The following ZNF654 variants were observed in gnomAD, a reference collection of about 807,000 sequenced individuals.
ZNF654 encodes melanoma-associated antigen.
Under a neutral mutation model 95.3 loss-of-function variants are expected in ZNF654, and 19 were observed. The observed-to-expected ratio is 0.20, with a 90% confidence interval of 0.14 to 0.29. The LOEUF (loss-of-function observed/expected upper bound fraction) is 0.29. Among genes scored for constraint, ZNF654 ranks in the 10% least tolerant of loss-of-function variants. The pLI, the probability that ZNF654 is intolerant of heterozygous loss-of-function variation, is 1.00. For missense variants in ZNF654, 1,046 were observed against 1,341.0 expected, an observed-to-expected ratio of 0.78 and a Z score of 3.44; for synonymous variants, 413 against 457.9, an observed-to-expected ratio of 0.90 and a Z score of 1.25.
intron 1 of ZNF654, among the ~76,000 whole-genome samples, chr3:88,066,034 C>G (rs959770986): frequency 6.6e-6 from 1 of 152,104 alleles, no homozygotes; most frequent in Non-Finnish European, 1.5e-5. Context: ...GCGCCTAGCC[C>G]TAGATTGGTT....
At chr3:88,115,299 A>G (rs1172503114) in intron 3 of ZNF654, among the ~76,000 whole-genome samples, 1 of 152,190 alleles carries the variant, frequency 6.6e-6, no homozygotes, top group Non-Finnish European at 1.5e-5. Flanking sequence ...CTGTATTTCA[A>G]CTGTGAGTTT....
At chr3:88,076,428 C>CT (rs1405677477) in intron 1 of ZNF654, among the ~76,000 whole-genome samples, 1 of 151,928 alleles carries the variant, frequency 6.6e-6, no homozygotes, top group East Asian at 1.9e-4. Flanking sequence ...TCTCCTTTTT[C>CT]TTTTTTGATA....
At chr3:88,115,018 T>G (rs1184292398) in intron 3 of ZNF654, among the ~76,000 whole-genome samples, 1 of 152,202 alleles carries the variant, frequency 6.6e-6, no homozygotes, top group African/African-American at 2.4e-5. Context: ...TCCATACATC[T>G]TTCATACAGA....
At chr3:88,095,641 C>A in intron 2 of ZNF654, 1 of 504,594 alleles carries the variant, frequency 2.0e-6, no homozygotes, top group Non-Finnish European at 4.0e-6. Flanking sequence ...AAGCCCCAAG[C>A]AATATCATCA....
intron 1 of ZNF654, among the ~76,000 whole-genome samples, chr3:88,065,366 T>G (rs1361303479): frequency 6.6e-6 from 1 of 152,178 alleles, no homozygotes; most frequent in Admixed American, 6.5e-5. Flanking sequence ...TTGTTTGTAA[T>G]AGTAAATCAT....
At chr3:88,069,088 G>GA (rs1460013861) in intron 1 of ZNF654, among the ~76,000 whole-genome samples, 1 of 152,048 alleles carries the variant, frequency 6.6e-6, no homozygotes, top group South Asian at 2.1e-4. Flanking sequence ...TGAAACAGAA[G>GA]AAAAAAATCA....
chr3:88,061,477 T>C (rs1706881304), intron 1 of ZNF654, among the ~76,000 whole-genome samples: 2 of 152,212 alleles, frequency 1.3e-5, no homozygotes, highest in Admixed American at 1.3e-4. Context: ...TTACCAACTT[T>C]TACCTGAAAC....
chr3:88,116,291 C>T (rs1484964684), intron 3 of ZNF654, among the ~76,000 whole-genome samples: 3 of 152,090 alleles, frequency 2.0e-5, no homozygotes, highest in African/African-American at 7.2e-5. Context: ...GAGGCCGAGG[C>T]GGGCAGATCA....
intron 2 of ZNF654, among the ~76,000 whole-genome samples, chr3:88,090,690 A>C (rs1177172095): frequency 6.6e-6 from 1 of 152,146 alleles, no homozygotes; most frequent in African/African-American, 2.4e-5. Context: ...CACCTATAAC[A>C]ACATCATTCT....
intron 2 of ZNF654, among the ~76,000 whole-genome samples, chr3:88,104,102 A>G (rs1704597304): frequency 6.6e-6 from 1 of 152,068 alleles, no homozygotes; most frequent in South Asian, 2.1e-4. Flanking sequence ...AAAGAGAGAG[A>G]TGTATGTAAT....
chr3:88,109,142 AGTGTGTGTGTGTGTGTGT>A (rs35595112), intron 2 of ZNF654, among the ~76,000 whole-genome samples: 5 of 142,530 alleles, frequency 3.5e-5, no homozygotes, highest in African/African-American at 1.0e-4. Flanking sequence ...AGTGGGCACT[AGTGTGTGTGTGTGTGTGT>A]GTGTGTGTGT....
chr3:88,123,565 T>A (rs1705910356), intron 3 of ZNF654, among the ~76,000 whole-genome samples: 1 of 152,162 alleles, frequency 6.6e-6, no homozygotes, highest in Non-Finnish European at 1.5e-5. Flanking sequence ...AAATTCTGAT[T>A]CAGTAGGTCT....
intron 1 of ZNF654, among the ~76,000 whole-genome samples, chr3:88,085,368 C>A (rs1164254874): frequency 1.3e-5 from 2 of 152,150 alleles, no homozygotes; most frequent in Non-Finnish European, 2.9e-5. Context: ...TCCAATAAAA[C>A]CTTATTTATA....
intron 1 of ZNF654, among the ~76,000 whole-genome samples, chr3:88,060,302 C>T (rs183419711): frequency 7.9e-4 from 121 of 152,252 alleles, no homozygotes; most frequent in African/African-American, 2.9e-3. Context: ...AAATTATTTA[C>T]TCAGTCGACC....
intron 2 of ZNF654, among the ~76,000 whole-genome samples, chr3:88,096,721 T>C (rs1348259553): frequency 2.0e-5 from 3 of 152,120 alleles, no homozygotes; most frequent in African/African-American, 7.2e-5. Context: ...TTTTAATTTT[T>C]GAGTAGGTAA....
chr3:88,078,440 C>G (rs190013395), intron 1 of ZNF654, among the ~76,000 whole-genome samples: 4 of 151,890 alleles, frequency 2.6e-5, no homozygotes, highest in African/African-American at 7.3e-5. Context: ...TCCCAGGATA[C>G]TGGGGTAGGG....
At chr3:88,136,986 G>C (rs1273089124) in intron 7 of ZNF654, among the ~76,000 whole-genome samples, 1 of 152,168 alleles carries the variant, frequency 6.6e-6, no homozygotes, top group East Asian at 1.9e-4. Flanking sequence ...CTTGAGGCCA[G>C]AAGTTCAAGA....
At chr3:88,104,768 G>C (rs1394210476) in intron 2 of ZNF654, among the ~76,000 whole-genome samples, 2 of 152,066 alleles carry the variant, frequency 1.3e-5, no homozygotes, top group Non-Finnish European at 2.9e-5. Context: ...AGGAAGAAGA[G>C]GTCAAACAGA....
chr3:88,094,989 A>G (rs1447644466), intron 2 of ZNF654, among the ~76,000 whole-genome samples: 1 of 152,154 alleles, frequency 6.6e-6, no homozygotes, highest in Non-Finnish European at 1.5e-5. Context: ...GGATTAAGGC[A>G]CTGGAAGAAT....
Sources: gnomAD v4.1 joint callset for allele counts (sites outside exome capture counted in the v4.1 genomes callset) on GRCh38, gnomAD v4.1.1 for gene constraint, MANE v1.5 for transcripts, NCBI Gene and HGNC (gene_info 2026-07-23, HGNC 2026-07-21) for gene names.